Variants in WSB1 observed in about 807,000 individuals in gnomAD.
WSB1 encodes WD repeat and SOCS box-containing protein 1.
WSB1 carries 23 observed loss-of-function variants against 50.2 expected under a neutral mutation model. The observed-to-expected ratio is 0.46, with a 90% CI of 0.33 to 0.65. The LOEUF (loss-of-function observed/expected upper bound fraction) is 0.65, where lower values mean the gene tolerates loss of function less well. WSB1 is among the 30% of genes least tolerant of loss of function. The pLI is 0.02. For synonymous variants in WSB1, 179 were observed against 172.0 expected (o/e 1.04, Z -0.32); for missense variants, 492 against 522.3 (o/e 0.94, Z 0.56).
intron 8 of WSB1, 41 bp from the exon 9 acceptor site, chr17:27,312,168 CA>C: frequency 6.3e-7 from 1 of 1,576,674 alleles, no homozygotes; most frequent in South Asian, 1.2e-5. Flanking sequence ...CACTGAAATA[CA>C]TATACTTGGG....
rs1325362143 is a variant in WSB1, at chr17:27,313,492, A to G, written c.*1123A>G. The G allele has an allele frequency of 6.6e-6, 1 of 152,448 alleles. No individual in the cohort carries two copies. The highest frequency in any genetic ancestry group is 1.5e-5 in the Non-Finnish European group (1 of 68,026). The allele number at this position is 152,448 out of a possible 1,614,324, so 9.4% of individuals were successfully genotyped here. ...CAGGGGATGATATTGGTGAGTTGCC[A>G]AAGAAGCAATACAGCATATCTGCTT... On this transcript the variant is annotated 3_prime_UTR_variant, in exon 9 of 9. Coordinates refer to ENST00000262394, the MANE Select transcript of WSB1 (RefSeq NM_015626.10).
chr17:27,297,927 G>T (rs1399927379), intron 1 of WSB1, among the ~76,000 whole-genome samples: 1 of 151,958 alleles, frequency 6.6e-6, no homozygotes, highest in African/African-American at 2.4e-5. Flanking sequence ...GGCCAACATG[G>T]TGAAACTCCG....
chr17:27,310,037 C>T (rs773033187), intron 6 of WSB1, 24 bp from the exon 7 acceptor site: 37 of 1,602,144 alleles, frequency 2.3e-5, no homozygotes, highest in East Asian at 2.2e-5. Flanking sequence ...CTGATATCCA[C>T]TGAAAACATA....
chr17:27,311,443 A>G, intron 7 of WSB1, 66 bp from the exon 8 acceptor site: 1 of 1,339,574 alleles, frequency 7.5e-7, no homozygotes. Flanking sequence ...TTCTTTCTAA[A>G]TTTTAAAAAA....
chr17:27,310,680 T>C (rs2150843334), intron 7 of WSB1, among the ~76,000 whole-genome samples: 1 of 152,300 alleles, frequency 6.6e-6, no homozygotes, highest in African/African-American at 2.4e-5. Flanking sequence ...ATAAGGCAGC[T>C]CTTCTCTTCC....
At chr17:27,297,200 C>T (rs1444995139) in intron 1 of WSB1, 1 of 152,014 alleles carries the variant, frequency 6.6e-6, no homozygotes, top group Admixed American at 6.6e-5. Context: ...GAGTCTCGCT[C>T]CGTCGTCCAG....
chr17:27,302,160 C>T (rs1480590540), intron 2 of WSB1, among the ~76,000 whole-genome samples: 1 of 152,124 alleles, frequency 6.6e-6, no homozygotes, highest in Admixed American at 6.6e-5. Context: ...CCTATAATCC[C>T]AGCACTTTGG....
chr17:27,304,547 A>T (rs2017366680), intron 3 of WSB1, among the ~76,000 whole-genome samples: 1 of 146,112 alleles, frequency 6.8e-6, no homozygotes, highest in Admixed American at 6.7e-5. Context: ...AAAAAAAAAA[A>T]AAAAAAAAAA....
In WSB1 at chr17:27,312,613, A is replaced by G; in HGVS notation, c.*244A>G. On this transcript the variant is annotated 3_prime_UTR_variant, in exon 9 of 9. Transcript: ENST00000262394. ...ACTGTGAAAACATACATACCTGTAC[A>G]TATTTAGATATAAGCTGCTATATGT... 1 of 425,928 alleles carries G rather than the reference A, an allele frequency of 2.3e-6. No individual in the cohort carries two copies. The highest frequency in any genetic ancestry group is 4.1e-6 in the Non-Finnish European group (1 of 246,186). The allele number at this position is 425,928 out of a possible 1,614,324, so 26.4% of individuals were successfully genotyped here. A position where few individuals can be genotyped will look rare whatever the true frequency, so the allele number is the denominator to read the frequency against.
intron 1 of WSB1, among the ~76,000 whole-genome samples, chr17:27,295,260 C>G (rs750605776): frequency 2.1e-4 from 32 of 152,180 alleles, no homozygotes; most frequent in Non-Finnish European, 3.4e-4. Context: ...ACTTAGCAAA[C>G]ACTGATCTTA....
chr17:27,307,745 T>C, intron 5 of WSB1: 1 of 1,534,678 alleles, frequency 6.5e-7, no homozygotes, highest in East Asian at 2.5e-5. Context: ...CTGTCACAGG[T>C]GGTGGCAGCA....
At chr17:27,300,515 T>C (rs563444793) in intron 1 of WSB1, among the ~76,000 whole-genome samples, 7 of 152,314 alleles carry the variant, frequency 4.6e-5, no homozygotes, top group Admixed American at 2.0e-4. Flanking sequence ...TCTGGTAATA[T>C]GCCAATTTTT....
At position 27,310,044 on chromosome 17, in the gene WSB1, C is replaced by T. The variant is rs1292296455; in HGVS notation, c.885-17C>T. 6 of 1,608,628 alleles carry T rather than the reference C, an allele frequency of 3.7e-6. No individual in the cohort carries two copies. The highest frequency in any genetic ancestry group is 3.3e-5 in the Admixed American group (2 of 59,976). On this transcript the variant is annotated splice_polypyrimidine_tract_variant and intron_variant, in intron 6 of 8. Transcript: ENST00000262394. ...TGAAGTGACTGATATCCACTGAAAA[C>T]ATATATTTGACCTCAGGCACCTGTT...
At chr17:27,303,871 G>A (rs1294566805) in intron 3 of WSB1, 21 of 429,318 alleles carry the variant, frequency 4.9e-5, no homozygotes, top group Admixed American at 4.4e-4. Context: ...AGTAGGAAAG[G>A]GTTTTCCAGG....
chr17:27,315,384 A>C lies in WSB1; in HGVS notation c.*3015A>C, dbSNP rs1445478020. The C allele has an allele frequency of 6.6e-6, 1 of 152,246 alleles. No individual in the cohort carries two copies. The highest frequency in any genetic ancestry group is 1.5e-5 in the Non-Finnish European group (1 of 68,048). The allele number at this position is 152,246 out of a possible 1,614,324, so 9.4% of individuals were successfully genotyped here. A position where few individuals can be genotyped will look rare whatever the true frequency, so the allele number is the denominator to read the frequency against. ...CTTTTGCGATAATGAAATCACTTTA[A>C]AACCTATAACTTGATCTTAGGTTGG... On this transcript the variant is annotated 3_prime_UTR_variant, in exon 9 of 9. Coordinates refer to ENST00000262394, the MANE Select transcript of WSB1 (RefSeq NM_015626.10).
At chr17:27,308,805 A>G in intron 5 of WSB1, 1 of 1,019,672 alleles carries the variant, frequency 9.8e-7, no homozygotes, top group Non-Finnish European at 1.2e-6. Flanking sequence ...AGTTTTTGGA[A>G]TAAATGGATT....
Position 27,312,567 on chromosome 17 carries a change from A to G in WSB1, c.*198A>G. The G allele has an allele frequency of 4.4e-6, 3 of 675,568 alleles. No individual in the cohort carries two copies. Among genetic ancestry groups the G allele is most frequent in the Non-Finnish European group, 6.8e-6 (3 of 439,518 alleles). 41.8% of individuals were successfully genotyped at this position (675,568 alleles called of 1,614,324 possible). On this transcript the variant is annotated 3_prime_UTR_variant, in exon 9 of 9. Coordinates refer to ENST00000262394, the MANE Select transcript of WSB1 (RefSeq NM_015626.10). Reference sequence around the variant, plus strand: ...AGAAGTATTTCTGAACATATCAAATATAAATTTTTTTAAAGATCTAACTGT... The same window carrying G: ...AGAAGTATTTCTGAACATATCAAATGTAAATTTTTTTAAAGATCTAACTGT...
intron 5 of WSB1, chr17:27,308,466 A>C: frequency 1.0e-6 from 1 of 984,774 alleles, no homozygotes; most frequent in Non-Finnish European, 1.2e-6. Flanking sequence ...ATTTTGATTT[A>C]TTGAAATGTA....
chr17:27,307,998 C>G, intron 5 of WSB1: 1 of 1,235,992 alleles, frequency 8.1e-7, no homozygotes, highest in South Asian at 3.6e-5. Flanking sequence ...CAGTAAAATA[C>G]ACTGACTCCT....
Sources: allele counts gnomAD v4.1 joint callset (sites outside exome capture counted in the v4.1 genomes callset), GRCh38; gene constraint gnomAD v4.1.1; transcripts MANE v1.5; gene names NCBI Gene and HGNC (gene_info 2026-07-23, HGNC 2026-07-21).